Variants in FAM168A observed in about 807,000 individuals in gnomAD.
The protein encoded by FAM168A is protein FAM168A.
FAM168A carries 3 observed loss-of-function variants against 28.5 expected under a neutral mutation model. That is an observed-to-expected ratio of 0.11 (90% CI 0.05 to 0.27). The LOEUF is 0.27. Among genes scored for constraint, FAM168A ranks in the 10% least tolerant of loss-of-function variants. The probability of loss-of-function intolerance (pLI) is 1.00; values close to 1 mark genes in which losing one functional copy is unlikely to be tolerated. For synonymous variants in FAM168A, 122 were observed against 124.2 expected, an observed-to-expected ratio of 0.98 and a Z score of 0.12; for missense variants, 222 against 311.5, an observed-to-expected ratio of 0.71 and a Z score of 2.16.
At chr11:73,515,400 T>G (rs1045467231) in intron 1 of FAM168A, among the ~76,000 whole-genome samples, 2 of 150,876 alleles carry the variant, frequency 1.3e-5, no homozygotes, top group Non-Finnish European at 2.9e-5. Flanking sequence ...TCCAAGCTAC[T>G]CCGGAGGCTG....
intron 2 of FAM168A, among the ~76,000 whole-genome samples, chr11:73,438,571 G>A (rs888136454): frequency 2.0e-5 from 3 of 152,176 alleles, no homozygotes; most frequent in Non-Finnish European, 2.9e-5. Context: ...CTGGGGGACA[G>A]GCTGTGAAGG....
intron 5 of FAM168A, 114 bp from the exon 6 acceptor site, chr11:73,409,775 CT>C: frequency 9.2e-7 from 1 of 1,084,192 alleles, no homozygotes; most frequent in Non-Finnish European, 1.3e-6. Context: ...CTCTGCTTGT[CT>C]TACTATGTGA....
At chr11:73,547,086 A>G (rs747388580) in intron 1 of FAM168A, among the ~76,000 whole-genome samples, 19 of 123,208 alleles carry the variant, frequency 1.5e-4, no homozygotes, top group Non-Finnish European at 2.8e-4. Flanking sequence ...GAAGTTCAAG[A>G]AAAAAAAAAA....
rs1016544242 is a variant in FAM168A at position 73,597,150 on chromosome 11, C to T, written c.-19+773G>A. Among the ~76,000 whole-genome samples the T allele has an allele frequency of 2.0e-4, 31 of 152,048 alleles. 2 individuals are homozygous for T. The highest frequency in any genetic ancestry group is 1.5e-5 in the Non-Finnish European group (1 of 68,010). Reference sequence around the variant, plus strand: ...TCGGGCCTGACTTCCAATGTGGCCCCTTCCTGCCAGCTCACCATCACACTC... The same window carrying T: ...TCGGGCCTGACTTCCAATGTGGCCCTTTCCTGCCAGCTCACCATCACACTC... On this transcript the variant is annotated intron_variant, in intron 1 of 7. Coordinates refer to ENST00000356467, the MANE Select transcript of FAM168A (RefSeq NM_015159.3).
rs58430278 is a variant in FAM168A at position 73,442,955 on chromosome 11, G to GATATATATATATATATATAT, written c.71-12205_71-12186dup. 2.0e-4 allele frequency among the ~76,000 whole-genome samples: 8 copies of GATATATATATATATATATAT among 40,232 alleles called. 1 individual carries two copies. The highest frequency in any genetic ancestry group is 4.2e-4 in the Admixed American group (1 of 2,402). 26.4% of individuals were successfully genotyped at this position (40,232 alleles called of 152,430 possible). A position where few individuals can be genotyped will look rare whatever the true frequency, so the allele number is the denominator to read the frequency against. On this transcript the variant is annotated intron_variant, in intron 2 of 7. Coordinates refer to ENST00000356467, the MANE Select transcript of FAM168A (RefSeq NM_015159.3). ...GGAATTTTCCTTTATATATACAAAG[G>GATATATATATATATATATAT]ATATATATATATATATATATATATA...
At chr11:73,496,873 TCACACACACACACACACA>T (rs71065011) in intron 1 of FAM168A, among the ~76,000 whole-genome samples, 1 of 140,130 alleles carries the variant, frequency 7.1e-6, no homozygotes, top group Non-Finnish European at 1.6e-5. Flanking sequence ...TATGTTCTTA[TCACACACACACACACACA>T]CACACACACA....
At chr11:73,450,854 T>A (rs950275775) in intron 2 of FAM168A, among the ~76,000 whole-genome samples, 3 of 152,122 alleles carry the variant, frequency 2.0e-5, no homozygotes, top group African/African-American at 7.2e-5. Flanking sequence ...CCAGACAATA[T>A]ACCCTGAAAG....
chr11:73,419,784 G>A, intron 4 of FAM168A, 90 bp downstream of exon 4: 11 of 1,494,710 alleles, frequency 7.4e-6, no homozygotes, highest in Non-Finnish European at 1.0e-5. Context: ...TCTCATAAAT[G>A]TCATTTTAAA....
At chr11:73,533,582 AAAC>A (rs1219050978) in intron 1 of FAM168A, among the ~76,000 whole-genome samples, 1 of 152,174 alleles carries the variant, frequency 6.6e-6, no homozygotes. Context: ...AAAAAATTCA[AAAC>A]AACCACAAAA....
intron 1 of FAM168A, among the ~76,000 whole-genome samples, chr11:73,487,595 T>C (rs2134603475): frequency 6.6e-6 from 1 of 152,336 alleles, no homozygotes; most frequent in Admixed American, 6.5e-5. Context: ...ATATAAGTAA[T>C]GATTATAATG....
At chr11:73,581,827 T>A (rs183532223) in intron 1 of FAM168A, among the ~76,000 whole-genome samples, 93 of 152,232 alleles carry the variant, frequency 6.1e-4, no homozygotes, top group Non-Finnish European at 5.1e-4. Context: ...CAAGCGATTA[T>A]CCTGCCTCAG....
At chr11:73,446,491 A>G (rs964126117) in intron 2 of FAM168A, among the ~76,000 whole-genome samples, 1 of 152,194 alleles carries the variant, frequency 6.6e-6, no homozygotes, top group African/African-American at 2.4e-5. Context: ...CCTGAGCAAC[A>G]TCTAAAAGGA....
chr11:73,547,160 G>GGCGGGGGC (rs1241233003), intron 1 of FAM168A, among the ~76,000 whole-genome samples: 2 of 148,758 alleles, frequency 1.3e-5, no homozygotes, highest in African/African-American at 5.0e-5. Context: ...CAGAGGAAAA[G>GGCGGGGGC]GCGGGGGGGA....
chr11:73,416,136 T>G (rs1005139959), intron 4 of FAM168A, among the ~76,000 whole-genome samples: 1 of 152,240 alleles, frequency 6.6e-6, no homozygotes, highest in Non-Finnish European at 1.5e-5. Context: ...ATTAGATCAC[T>G]CGAAGTCCCA....
In FAM168A at chr11:73,490,477, G is replaced by T. The variant is rs531901656; in HGVS notation, c.-18-21985C>A. On this transcript the variant is annotated intron_variant, in intron 1 of 7. Transcript: ENST00000356467. ...ACCAAACAAGAAATGAATTTATAAT[G>T]CCACACATTATAAATTACCTTCTCA... Among the ~76,000 whole-genome samples, 29 of 152,192 alleles carry T rather than the reference G, an allele frequency of 1.9e-4. No individual in the cohort carries two copies. In the South Asian group the frequency reaches 6.0e-3, roughly 32 times the overall value.
intron 1 of FAM168A, chr11:73,510,629 G>A (rs1057215015): frequency 7.2e-6 from 2 of 278,816 alleles, no homozygotes; most frequent in Non-Finnish European, 1.3e-5. Context: ...CACAGTACTA[G>A]CCCGTTCATG....
chr11:73,574,428 G>A (rs1042910911), intron 1 of FAM168A, among the ~76,000 whole-genome samples: 24 of 152,100 alleles, frequency 1.6e-4, no homozygotes, highest in African/African-American at 5.6e-4. Context: ...GACCAAGAGA[G>A]TATAAAAAAA....
In FAM168A at chr11:73,404,705, C is replaced by G. The variant is rs1407195594; in HGVS notation, c.*2058G>C. On this transcript the variant is annotated 3_prime_UTR_variant, in exon 8 of 8. Coordinates refer to ENST00000356467, the MANE Select transcript of FAM168A (RefSeq NM_015159.3). The stretch of plus-strand genomic sequence containing the variant: ...GGGCCCCCAAACTCCTGGCTCTAGG[C>G]CAAGGAGGCTGATGGGCTTTACCCT... 1 of 152,206 alleles carries G rather than the reference C, an allele frequency of 6.6e-6. No homozygotes were observed. The highest frequency in any genetic ancestry group is 1.5e-5 in the Non-Finnish European group (1 of 68,034). 9.4% of individuals were successfully genotyped at this position (152,206 alleles called of 1,614,324 possible).
chr11:73,485,153 T>C (rs2134600415), intron 1 of FAM168A, among the ~76,000 whole-genome samples: 1 of 152,350 alleles, frequency 6.6e-6, no homozygotes, highest in African/African-American at 2.4e-5. Context: ...ACAACCATCA[T>C]GTTGTTAAAT....
Sources: allele counts gnomAD v4.1 joint callset (sites outside exome capture counted in the v4.1 genomes callset), GRCh38; gene constraint gnomAD v4.1.1; transcripts MANE v1.5; gene names NCBI Gene and HGNC (gene_info 2026-07-23, HGNC 2026-07-21).